The following SEC22C variants were observed in gnomAD, a reference collection of about 807,000 sequenced individuals.
SEC22C encodes vesicle-trafficking protein SEC22c.
Under a neutral mutation model 34.7 loss-of-function variants are expected in SEC22C, and 29 were observed. The observed-to-expected ratio is 0.84, with a 90% CI of 0.62 to 1.14. SEC22C has a LOEUF of 1.14. Among genes scored for constraint, SEC22C ranks in the 50% most tolerant of loss-of-function variants. The pLI is 0.00. For synonymous variants in SEC22C, 117 were observed against 132.8 expected, an observed-to-expected ratio of 0.88 and a Z score of 0.82; for missense variants, 337 against 369.0, an observed-to-expected ratio of 0.91 and a Z score of 0.71.
intron 1 of SEC22C, among the ~76,000 whole-genome samples, chr3:42,589,937 C>T (rs1251800340): frequency 6.6e-6 from 1 of 152,162 alleles, no homozygotes; most frequent in Admixed American, 6.5e-5. Flanking sequence ...AACACCTTTG[C>T]GGTATGGTGC....
intron 1 of SEC22C, among the ~76,000 whole-genome samples, chr3:42,579,106 C>T (rs1045102888): frequency 6.6e-6 from 1 of 152,006 alleles, no homozygotes; most frequent in African/African-American, 2.4e-5. Context: ...GGAGAAACCC[C>T]GTCTCTACTA....
At chr3:42,558,545 G>A (rs1312340900) in intron 4 of SEC22C, among the ~76,000 whole-genome samples, 1 of 149,344 alleles carries the variant, frequency 6.7e-6, no homozygotes, top group African/African-American at 2.5e-5. Context: ...CCAGCACTTT[G>A]GGAGGCTAAG....
intron 1 of SEC22C, chr3:42,573,268 G>C (rs577211626): frequency 2.0e-5 from 3 of 152,382 alleles, no homozygotes; most frequent in Admixed American, 2.0e-4. Flanking sequence ...GCTCATGCCT[G>C]TAATCCTGGC....
chr3:42,581,066 T>C (rs1429401671), intron 1 of SEC22C, among the ~76,000 whole-genome samples: 1 of 152,276 alleles, frequency 6.6e-6, no homozygotes, highest in Admixed American at 6.5e-5. Flanking sequence ...GTCCAAAATG[T>C]ACTTTCCAGA....
In SEC22C at chr3:42,548,775, A is replaced by C; in HGVS notation, c.*4473T>G. On this transcript the variant is annotated 3_prime_UTR_variant, in exon 7 of 7. Coordinates refer to ENST00000264454, the MANE Select transcript of SEC22C (RefSeq NM_032970.4). The stretch of plus-strand genomic sequence containing the variant: ...TTGGAGTGAAAAAAATGAGGTTTAC[A>C]CTGTAGTATAACAAAATGCCTTTTT... 1 of 1,547,222 alleles carries C rather than the reference A, an allele frequency of 6.5e-7. No homozygotes were observed. The highest frequency in any genetic ancestry group is 1.4e-5 in the African/African-American group (1 of 73,292).
rs1452967920 is a variant in SEC22C at position 42,549,631 on chromosome 3, C to T, written c.*3617G>A. 1 of 985,352 alleles carries T rather than the reference C, an allele frequency of 1.0e-6. No individual in the cohort carries two copies. The highest frequency in any genetic ancestry group is 1.7e-5 in the African/African-American group (1 of 57,232). 61.0% of individuals were successfully genotyped at this position (985,352 alleles called of 1,614,324 possible). On this transcript the variant is annotated 3_prime_UTR_variant, in exon 7 of 7. Coordinates refer to ENST00000264454, the MANE Select transcript of SEC22C (RefSeq NM_032970.4). ...GTTGAACCTCAATGCAATCTGCTCCCACTCTGAAGCTCGTCTACCCACCCC... is the reference window on the plus strand; with the variant it reads ...GTTGAACCTCAATGCAATCTGCTCCTACTCTGAAGCTCGTCTACCCACCCC...
chr3:42,581,675 A>G (rs1704363543), intron 1 of SEC22C, among the ~76,000 whole-genome samples, 171 bp downstream of exon 1: 1 of 152,124 alleles, frequency 6.6e-6, no homozygotes, highest in African/African-American at 2.4e-5. Context: ...GGGACAGAGG[A>G]CTCCAAGAAG....
intron 1 of SEC22C, among the ~76,000 whole-genome samples, chr3:42,579,029 G>A (rs1704142341): frequency 6.6e-6 from 1 of 152,198 alleles, no homozygotes; most frequent in Non-Finnish European, 1.5e-5. Flanking sequence ...TGTAATCCCA[G>A]CACTTTGGGA....
upstream of SEC22C, among the ~76,000 whole-genome samples, chr3:42,586,767 T>C (rs956380957): frequency 6.6e-6 from 1 of 152,214 alleles, no homozygotes. Flanking sequence ...AAGTGATGTT[T>C]CTCAAAGCTG....
chr3:42,557,800 T>C (rs1702620953), intron 4 of SEC22C, 104 bp from the exon 5 acceptor site: 2 of 565,322 alleles, frequency 3.5e-6, no homozygotes, highest in East Asian at 5.8e-5. Context: ...AGGTTCACTA[T>C]GTTAAACATA....
intron 1 of SEC22C, among the ~76,000 whole-genome samples, chr3:42,569,311 C>A (rs1703461482): frequency 1.3e-5 from 2 of 152,160 alleles, no homozygotes; most frequent in Admixed American, 1.3e-4. Flanking sequence ...TCTAATGAGT[C>A]TCTCCCTTTC....
chr3:42,555,181 T>A (rs1432962417), intron 6 of SEC22C, among the ~76,000 whole-genome samples: 1 of 151,906 alleles, frequency 6.6e-6, no homozygotes, highest in East Asian at 1.9e-4. Flanking sequence ...CCGTCTCTAC[T>A]AAAAGTACAA....
At chr3:42,563,062 A>C (rs1193713139) in intron 3 of SEC22C, among the ~76,000 whole-genome samples, 1 of 152,262 alleles carries the variant, frequency 6.6e-6, no homozygotes, top group Non-Finnish European at 1.5e-5. Flanking sequence ...AGGGGTCAAC[A>C]AAAGTTTCTT....
intron 1 of SEC22C, among the ~76,000 whole-genome samples, chr3:42,572,213 C>T (rs1237179598): frequency 8.3e-6 from 1 of 119,870 alleles, no homozygotes; most frequent in Non-Finnish European, 1.7e-5. Context: ...CCAATGGGTA[C>T]AGACCAAAAA....
intron 1 of SEC22C, among the ~76,000 whole-genome samples, chr3:42,591,961 C>T (rs1389791539): frequency 6.6e-6 from 1 of 152,192 alleles, no homozygotes; most frequent in East Asian, 1.9e-4. Context: ...CTGCCTCATC[C>T]TTTCTCTGTT....
intron 1 of SEC22C, chr3:42,591,735 T>G: frequency 1.4e-6 from 1 of 692,232 alleles, no homozygotes; most frequent in Non-Finnish European, 2.6e-6. Flanking sequence ...AAAGAGAGGC[T>G]CAAAGAGTTT....
chr3:42,552,603 TTAAA>T lies in SEC22C; in HGVS notation c.*641_*644del. 2.0e-6 allele frequency: 2 copies of T among 983,392 alleles called. No homozygotes were observed. Among genetic ancestry groups the T allele is most frequent in the African/African-American group, 1.7e-5 (1 of 57,294 alleles). The allele number at this position is 983,392 out of a possible 1,614,324, so 60.9% of individuals were successfully genotyped here. On this transcript the variant is annotated 3_prime_UTR_variant, in exon 7 of 7. Coordinates refer to ENST00000264454, the MANE Select transcript of SEC22C (RefSeq NM_032970.4). ...ACCACTATAAAAGGTTACATATAAATTAAATAAACTCAGATTTCTTAACCATTTT... is the reference window on the plus strand; with the variant it reads ...ACCACTATAAAAGGTTACATATAAATTAAACTCAGATTTCTTAACCATTTT...
chr3:42,594,335 C>A, intron 1 of SEC22C: 1 of 989,948 alleles, frequency 1.0e-6, no homozygotes, highest in South Asian at 1.4e-5. Flanking sequence ...TGAGCCATTC[C>A]ACTAGAGTGG....
Position 42,561,197 on chromosome 3 carries a change from G to A in SEC22C, c.446C>T (p.Pro149Leu). The A allele has an allele frequency of 6.2e-7, 1 of 1,614,148 alleles. No homozygotes were observed. Among genetic ancestry groups the A allele is most frequent in the Admixed American group, 1.7e-5 (1 of 60,026 alleles). Residue 149 changes from proline to leucine, a missense_variant, in exon 4 of 7, where the codon CCT (proline) becomes CTT (leucine). Coordinates refer to ENST00000264454, the MANE Select transcript of SEC22C (RefSeq NM_032970.4). ...EKIQEELKLQPPAVLTLEDTD... is the reference protein window; with the variant it reads ...EKIQEELKLQLPAVLTLEDTD... ...GTCCTCCAGAGTGAGAACCGCTGGA[G>A]GCTGCAACTTGAGCTCCTCCTGAAT...
Sources: allele counts gnomAD v4.1 joint callset (sites outside exome capture counted in the v4.1 genomes callset), GRCh38; gene constraint gnomAD v4.1.1; transcripts MANE v1.5; gene names NCBI Gene and HGNC (gene_info 2026-07-23, HGNC 2026-07-21).